GRIA2: variants seen among roughly 807,000 people sequenced by gnomAD.
GRIA2 encodes the protein glutamate ionotropic receptor AMPA type subunit 2, also known as glutamate receptor 2.
Under a neutral mutation model 97.3 loss-of-function variants are expected in GRIA2, and 14 were observed. That is an observed-to-expected ratio of 0.14 (90% confidence interval 0.10 to 0.23). The LOEUF (loss-of-function observed/expected upper bound fraction) is 0.23, where lower values mean the gene tolerates loss of function less well. Ranked by LOEUF, GRIA2 falls within the 10% of genes least tolerant of loss-of-function variation. GRIA2 has a pLI of 1.00. For missense variants in GRIA2, 558 were observed against 1,069.8 expected (o/e 0.52, Z 6.67); for synonymous variants, 412 against 387.8 (o/e 1.06, Z -0.73).
intron 3 of GRIA2, among the ~76,000 whole-genome samples, chr4:157,304,063 A>G (rs556699879): frequency 6.6e-6 from 1 of 152,160 alleles, no homozygotes. Flanking sequence ...ATAAAAAGCA[A>G]TTTTTTGCAT....
chr4:157,318,806 A>G (rs1487049378), intron 5 of GRIA2, among the ~76,000 whole-genome samples: 1 of 152,158 alleles, frequency 6.6e-6, no homozygotes, highest in Non-Finnish European at 1.5e-5. Flanking sequence ...AGAGGCAGAG[A>G]GCTTATTTTA....
At chr4:157,221,861 T>G (rs558802212) in intron 2 of GRIA2, 54 bp downstream of exon 2, 9 of 1,520,726 alleles carry the variant, frequency 5.9e-6, no homozygotes, top group Non-Finnish European at 8.2e-6. Flanking sequence ...GGCCAGCGAG[T>G]GTGAGTGTGT....
At chr4:157,285,053 CA>C (rs1251176458) in intron 2 of GRIA2, among the ~76,000 whole-genome samples, 1 of 151,620 alleles carries the variant, frequency 6.6e-6, no homozygotes, top group Non-Finnish European at 1.5e-5. Context: ...CAGTATATGA[CA>C]TCTTGTTTTT....
intron 2 of GRIA2, among the ~76,000 whole-genome samples, chr4:157,276,508 G>A (rs1425603590): frequency 6.6e-6 from 1 of 151,400 alleles, no homozygotes. Flanking sequence ...GATGTAAGCA[G>A]GAGAAAATAA....
In GRIA2 at chr4:157,334,137, G is replaced by C; in HGVS notation, c.1266+17G>C. 8.2e-7 allele frequency: 1 copy of C among 1,221,900 alleles called. No individual in the cohort carries two copies. Among genetic ancestry groups the C allele is most frequent in the Non-Finnish European group, 1.2e-6 (1 of 822,650 alleles). 75.7% of individuals were successfully genotyped at this position (1,221,900 alleles called of 1,614,324 possible). A position where few individuals can be genotyped will look rare whatever the true frequency, so the allele number is the denominator to read the frequency against. On this transcript the variant is annotated intron_variant, in intron 9 of 15. Coordinates refer to ENST00000264426, the MANE Select transcript of GRIA2 (RefSeq NM_001083619.3). ...ACAATTTTGGTAATTTGCTACATATGCCATGTTTTACTTTGTATTTTCTTA... is the reference window on the plus strand; with the variant it reads ...ACAATTTTGGTAATTTGCTACATATCCCATGTTTTACTTTGTATTTTCTTA...
At position 157,334,035 on chromosome 4, in the gene GRIA2, A is replaced by G. The variant is rs1197685576; in HGVS notation, c.1181A>G (p.Lys394Arg). The part of the protein sequence containing the change: ...RKIGYWSEVD[K>R]MVVTLTELPS... ...ATTGGCTACTGGAGTGAAGTGGACA[A>G]AATGGTTGTTACCCTTACTGAGCTC... The change falls in exon 9 of 16, where the codon AAA (lysine) becomes AGA (arginine). Residue 394 changes from lysine to arginine, a missense_variant. Physicochemically the swap from Lys to Arg is conservative, Grantham distance 26 (BLOSUM62 2). Coordinates refer to ENST00000264426, the MANE Select transcript of GRIA2 (RefSeq NM_001083619.3). 1.9e-6 allele frequency: 3 copies of G among 1,606,746 alleles called. No homozygotes were observed. The highest frequency in any genetic ancestry group is 2.6e-6 in the Non-Finnish European group (3 of 1,173,866).
intron 2 of GRIA2, 68 bp from the exon 3 acceptor site, chr4:157,303,484 T>C: frequency 7.3e-7 from 1 of 1,369,128 alleles, no homozygotes. Context: ...CATTACGTTT[T>C]AAGCAAATTC....
chr4:157,327,500 A>G (rs1734856196), intron 6 of GRIA2, among the ~76,000 whole-genome samples: 1 of 152,144 alleles, frequency 6.6e-6, no homozygotes, highest in African/African-American at 2.4e-5. Context: ...CCTTAAAAGT[A>G]ATTTTTTTAA....
At chr4:157,355,302 C>T (rs1047642743) in intron 12 of GRIA2, among the ~76,000 whole-genome samples, 23 of 151,974 alleles carry the variant, frequency 1.5e-4, no homozygotes, top group East Asian at 5.8e-4. Flanking sequence ...CCAAAGCAGG[C>T]GGATCACCTG....
chr4:157,279,953 C>T (rs553543222), intron 2 of GRIA2, among the ~76,000 whole-genome samples: 4 of 152,106 alleles, frequency 2.6e-5, no homozygotes, highest in African/African-American at 7.2e-5. Context: ...GGTAAAACCC[C>T]GTCTCTACTA....
Position 157,256,228 on chromosome 4 carries a change from TATATAATATATATATATAATATATAA to T in GRIA2, c.229+34424_229+34449del, listed in dbSNP as rs1222834520. ...TATATATGTTATATATAATATATAA[TATATAATATATATATATAATATATAA>T]ATTATATATTACATATATATGTTAT... On this transcript the variant is annotated intron_variant, in intron 2 of 15. Transcript: ENST00000264426. Among the ~76,000 whole-genome samples, 77 of 122,340 alleles carry T rather than the reference TATATAATATATATATATAATATATAA, an allele frequency of 6.3e-4. 3 individuals carry two copies. The highest frequency in any genetic ancestry group is 2.2e-3 in the African/African-American group (63 of 29,168). 80.3% of individuals were successfully genotyped at this position (122,340 alleles called of 152,430 possible).
At chr4:157,247,776 G>A (rs879710166) in intron 2 of GRIA2, among the ~76,000 whole-genome samples, 1 of 152,224 alleles carries the variant, frequency 6.6e-6, no homozygotes. Context: ...ACACCAGAAT[G>A]AGGCACAGGA....
intron 2 of GRIA2, among the ~76,000 whole-genome samples, chr4:157,235,683 G>T (rs2126703961): frequency 6.6e-6 from 1 of 151,930 alleles, no homozygotes; most frequent in East Asian, 1.9e-4. Flanking sequence ...CTGTTAAAAA[G>T]TTTCAATTTT....
At chr4:157,241,673 A>C (rs1409684005) in intron 2 of GRIA2, among the ~76,000 whole-genome samples, 2 of 152,108 alleles carry the variant, frequency 1.3e-5, no homozygotes, top group African/African-American at 4.8e-5. Context: ...GCTGTGTAGA[A>C]CATCTATCCA....
Position 157,333,367 on chromosome 4 carries a change from G to A in GRIA2, c.1155+14G>A, listed in dbSNP as rs781522517. On this transcript the variant is annotated intron_variant, in intron 8 of 15. Transcript: ENST00000264426. ...GGGCCCCGGAAGGTAAATCCTTAGT[G>A]ATTTAAAGGCAGTTCTATGTGAGGA... 7.1e-7 allele frequency: 1 copy of A among 1,407,488 alleles called. No homozygotes were observed. Among genetic ancestry groups the A allele is most frequent in the South Asian group, 1.2e-5 (1 of 81,456 alleles). The allele number at this position is 1,407,488 out of a possible 1,614,324, so 87.2% of individuals were successfully genotyped here.
chr4:157,335,897 T>C lies in GRIA2; in HGVS notation c.1473+20T>C. On this transcript the variant is annotated intron_variant, in intron 10 of 15. Coordinates refer to ENST00000264426, the MANE Select transcript of GRIA2 (RefSeq NM_001083619.3). ...TATGGGGTAAGTATAGCTCTTCTCA[T>C]AGATAAAGTCATTCAATTTGAATTG... 2 of 1,450,538 alleles carry C rather than the reference T, an allele frequency of 1.4e-6. No homozygotes were observed. The highest frequency in any genetic ancestry group is 1.9e-6 in the Non-Finnish European group (2 of 1,037,186). The allele number at this position is 1,450,538 out of a possible 1,614,324, so 89.9% of individuals were successfully genotyped here. A position where few individuals can be genotyped will look rare whatever the true frequency, so the allele number is the denominator to read the frequency against.
In GRIA2 at chr4:157,256,235, TATA is replaced by T. The variant is rs1561013240; in HGVS notation, c.229+34429_229+34431del. Among the ~76,000 whole-genome samples, 31 of 89,804 alleles carry T rather than the reference TATA, an allele frequency of 3.5e-4. 1 individual carries two copies. In the South Asian group the frequency reaches 7.4e-3, roughly 21 times the overall value. The allele number at this position is 89,804 out of a possible 152,430, so 58.9% of individuals were successfully genotyped here. On this transcript the variant is annotated intron_variant, in intron 2 of 15. Coordinates refer to ENST00000264426, the MANE Select transcript of GRIA2 (RefSeq NM_001083619.3). ...GTTATATATAATATATAATATATAA[TATA>T]TATATATAATATATAAATTATATAT...
At chr4:157,247,408 A>G (rs1232334414) in intron 2 of GRIA2, among the ~76,000 whole-genome samples, 1 of 152,194 alleles carries the variant, frequency 6.6e-6, no homozygotes, top group African/African-American at 2.4e-5. Flanking sequence ...AGAAAAAAGA[A>G]TGATGGTCAT....
Position 157,335,992 on chromosome 4 carries a change from T to C in GRIA2, c.1473+115T>C. The C allele has an allele frequency of 6.9e-6, 5 of 723,258 alleles. No individual in the cohort carries two copies. In the South Asian group the frequency reaches 8.1e-5, roughly 12 times the overall value. 44.8% of individuals were successfully genotyped at this position (723,258 alleles called of 1,614,324 possible). On this transcript the variant is annotated intron_variant, in intron 10 of 15. Coordinates refer to ENST00000264426, the MANE Select transcript of GRIA2 (RefSeq NM_001083619.3). ...AGGTTGTTGATTTCCCACATTACTC[T>C]AGAAACATTATCTTGTTGATTTGTG...
Sources: allele counts gnomAD v4.1 joint callset (sites outside exome capture counted in the v4.1 genomes callset), GRCh38; gene constraint gnomAD v4.1.1; transcripts MANE v1.5; gene names NCBI Gene and HGNC (gene_info 2026-07-23, HGNC 2026-07-21).